PPP1R9A: variants seen among roughly 807,000 people sequenced by gnomAD.
PPP1R9A encodes protein phosphatase 1 regulatory subunit 9A, also known as neurabin-1.
Under a neutral mutation model 141.9 loss-of-function variants are expected in PPP1R9A, and 59 were observed. The observed-to-expected ratio is 0.42, with a 90% CI of 0.34 to 0.52. PPP1R9A has a LOEUF of 0.52. Among genes scored for constraint, PPP1R9A ranks in the 20% least tolerant of loss-of-function variants. The pLI, the probability that PPP1R9A is intolerant of heterozygous loss-of-function variation, is 0.10. For missense variants in PPP1R9A, 1,444 were observed against 1,611.9 expected (o/e 0.90, Z 1.78); for synonymous variants, 500 against 569.7 (o/e 0.88, Z 1.74).
At chr7:95,065,171 T>C (rs1812781112) in intron 2 of PPP1R9A, among the ~76,000 whole-genome samples, 1 of 152,110 alleles carries the variant, frequency 6.6e-6, no homozygotes, top group African/African-American at 2.4e-5. Flanking sequence ...GCTCAAACAA[T>C]TTTCCCACAT....
intron 4 of PPP1R9A, among the ~76,000 whole-genome samples, chr7:95,144,556 G>T (rs1388957567): frequency 6.6e-6 from 1 of 151,980 alleles, no homozygotes; most frequent in Non-Finnish European, 1.5e-5. Flanking sequence ...AATTTTTGAG[G>T]AACCTCTATG....
chr7:95,049,310 G>A (rs1012529031), intron 2 of PPP1R9A, among the ~76,000 whole-genome samples: 3 of 152,006 alleles, frequency 2.0e-5, no homozygotes, highest in East Asian at 1.9e-4. Flanking sequence ...TACCTCCAGG[G>A]GATAAACCAC....
At position 95,292,079 on chromosome 7, in the gene PPP1R9A, C is replaced by G. The variant is rs962737762; in HGVS notation, c.*1776C>G. On this transcript the variant is annotated 3_prime_UTR_variant, in exon 20 of 20. Coordinates refer to ENST00000433360, the MANE Select transcript of PPP1R9A (RefSeq NM_001166160.2). ...AGGTACAGACCCTTCATTCAATCCT[C>G]AGAAACGTTGACATGAAGTAACATT... 6.6e-6 allele frequency: 1 copy of G among 152,168 alleles called. No homozygotes were observed. Among genetic ancestry groups the G allele is most frequent in the African/African-American group, 2.4e-5 (1 of 41,432 alleles). The allele number at this position is 152,168 out of a possible 1,614,324, so 9.4% of individuals were successfully genotyped here. A position where few individuals can be genotyped will look rare whatever the true frequency, so the allele number is the denominator to read the frequency against.
At chr7:95,210,519 G>A (rs745612795) in intron 7 of PPP1R9A, among the ~76,000 whole-genome samples, 5 of 151,516 alleles carry the variant, frequency 3.3e-5, no homozygotes, top group South Asian at 4.2e-4. Flanking sequence ...AGGCTGGAGT[G>A]CAGTGGCATG....
chr7:94,939,766 T>TTATA (rs376392944), intron 2 of PPP1R9A, among the ~76,000 whole-genome samples: 163 of 145,804 alleles, frequency 1.1e-3, no homozygotes, highest in African/African-American at 3.9e-3. Flanking sequence ...AGGGACAAGA[T>TTATA]TATATATATA....
intron 2 of PPP1R9A, among the ~76,000 whole-genome samples, chr7:94,936,466 A>G (rs1794770766): frequency 6.6e-6 from 1 of 152,112 alleles, no homozygotes; most frequent in East Asian, 1.9e-4. Context: ...TCATCTTACC[A>G]TTTACTATCT....
chr7:95,091,658 A>G (rs897184730), intron 2 of PPP1R9A, among the ~76,000 whole-genome samples: 2 of 151,676 alleles, frequency 1.3e-5, no homozygotes, highest in African/African-American at 4.9e-5. Context: ...ATCTTTGTAG[A>G]TGAAAAATTA....
intron 9 of PPP1R9A, 78 bp from the exon 10 acceptor site, chr7:95,249,948 A>G (rs1461606173): frequency 1.4e-6 from 2 of 1,467,392 alleles, no homozygotes; most frequent in East Asian, 2.5e-5. Context: ...AACTTGATCT[A>G]CAACATGCTA....
intron 2 of PPP1R9A, among the ~76,000 whole-genome samples, chr7:94,943,645 C>T (rs760898033): frequency 1.8e-4 from 28 of 152,112 alleles, no homozygotes; most frequent in Non-Finnish European, 3.8e-4. Context: ...TACTGACATG[C>T]TTTGAACTAT....
intron 16 of PPP1R9A, among the ~76,000 whole-genome samples, chr7:95,276,908 C>A (rs1360614874): frequency 6.6e-6 from 1 of 152,114 alleles, no homozygotes; most frequent in Non-Finnish European, 1.5e-5. Context: ...CTTATAAAAC[C>A]TATCCCAGGA....
At chr7:95,141,897 A>T (rs538990060) in intron 4 of PPP1R9A, among the ~76,000 whole-genome samples, 4 of 152,252 alleles carry the variant, frequency 2.6e-5, no homozygotes, top group African/African-American at 9.6e-5. Context: ...ATCTAGTGGT[A>T]GAGTTTCTGG....
intron 12 of PPP1R9A, 128 bp from the exon 13 acceptor site, chr7:95,268,422 G>T: frequency 1.1e-6 from 1 of 942,422 alleles, no homozygotes. Context: ...TTGGTTACAG[G>T]CTGTCATGGT....
chr7:94,990,918 A>G (rs1407757962), intron 2 of PPP1R9A, among the ~76,000 whole-genome samples: 3 of 152,132 alleles, frequency 2.0e-5, no homozygotes, highest in African/African-American at 7.2e-5. Context: ...TCCATTGTGT[A>G]TAAATACACC....
intron 2 of PPP1R9A, among the ~76,000 whole-genome samples, chr7:95,022,485 G>C (rs1563132311): frequency 6.6e-6 from 1 of 152,098 alleles, no homozygotes; most frequent in East Asian, 1.9e-4. Context: ...TCTCTTGCCT[G>C]ACTGCCCTGG....
chr7:95,219,220 A>G (rs1255286377), intron 7 of PPP1R9A, among the ~76,000 whole-genome samples: 1 of 152,056 alleles, frequency 6.6e-6, no homozygotes, highest in Non-Finnish European at 1.5e-5. Flanking sequence ...TTTCTCCTTC[A>G]CTTATGAAGC....
chr7:94,960,244 T>A (rs771948919), intron 2 of PPP1R9A, among the ~76,000 whole-genome samples: 1 of 151,272 alleles, frequency 6.6e-6, no homozygotes, highest in Non-Finnish European at 1.5e-5. Context: ...AAATATCTGA[T>A]TGAATTCTGG....
intron 2 of PPP1R9A, among the ~76,000 whole-genome samples, chr7:94,982,110 T>C (rs922670629): frequency 6.6e-6 from 1 of 152,078 alleles, no homozygotes; most frequent in Non-Finnish European, 1.5e-5. Context: ...TTGCTCAGAA[T>C]GATGGTTTCC....
chr7:94,977,719 G>C (rs1584477094), intron 2 of PPP1R9A, among the ~76,000 whole-genome samples: 1 of 152,028 alleles, frequency 6.6e-6, no homozygotes, highest in Non-Finnish European at 1.5e-5. Context: ...TAAGAGGCTA[G>C]GTGGTGAAGG....
intron 14 of PPP1R9A, among the ~76,000 whole-genome samples, chr7:95,272,289 A>G (rs551141190): frequency 3.9e-5 from 6 of 152,328 alleles, no homozygotes; most frequent in Admixed American, 1.3e-4. Flanking sequence ...TTGATCTGGA[A>G]GAATTTGGCA....
Sources: allele counts gnomAD v4.1 joint callset (sites outside exome capture counted in the v4.1 genomes callset), GRCh38; gene constraint gnomAD v4.1.1; transcripts MANE v1.5; gene names NCBI Gene and HGNC (gene_info 2026-07-23, HGNC 2026-07-21).